The following PUDP variants were observed in gnomAD, a reference collection of about 807,000 sequenced individuals.
PUDP encodes the protein pseudouridine 5'-phosphatase.
Under a neutral mutation model 9.4 loss-of-function variants are expected in PUDP, and 8 were observed. The ratio of observed to expected loss-of-function variants is 0.85; its 90% CI spans 0.50 to 1.53. The LOEUF is 1.53. Among genes scored for constraint, PUDP ranks in the 40% most tolerant of loss-of-function variants. The pLI is 0.00. For synonymous variants in PUDP, 99 were observed against 80.7 expected, an observed-to-expected ratio of 1.23 and a Z score of -1.22; for missense variants, 188 against 189.7, an observed-to-expected ratio of 0.99 and a Z score of 0.05.
At chrX:6,868,651 T>A (rs1927126487) in intron 3 of PUDP, among the ~76,000 whole-genome samples, 1 of 112,585 alleles carries the variant, frequency 8.9e-6, no homozygotes, top group Non-Finnish European at 1.9e-5. Flanking sequence ...TCTGTTCCTA[T>A]AAACTTGCTG....
At chrX:6,745,727 T>C (rs1261210547) in intron 3 of PUDP, among the ~76,000 whole-genome samples, 2 of 111,810 alleles carry the variant, frequency 1.8e-5, no homozygotes, top group African/African-American at 6.5e-5. Context: ...CACTGCAGCC[T>C]GGAATTCCTG....
chrX:7,028,451 G>A lies in PUDP; in HGVS notation c.204+48769C>T, dbSNP rs1929748483. ...CGTGATCACTAAAGCTGGCATGAGA[G>A]GCCCCGACTCATCCAGGGAGTAAGA... On this transcript the variant is annotated intron_variant and NMD_transcript_variant, in intron 1 of 3. Transcript: ENST00000655425. Among the ~76,000 whole-genome samples, 3 of 111,427 alleles carry A rather than the reference G, an allele frequency of 2.7e-5. No individual in the cohort carries two copies. In the South Asian group the frequency reaches 1.1e-3, roughly 42 times the overall value.
intron 3 of PUDP, among the ~76,000 whole-genome samples, chrX:6,887,658 C>A (rs1463058161): frequency 9.0e-6 from 1 of 111,727 alleles, no homozygotes; most frequent in East Asian, 2.8e-4. Context: ...GGGACAGATT[C>A]ATTACAAAGG....
At chrX:7,006,116 T>C (rs1929398784) in intron 1 of PUDP, among the ~76,000 whole-genome samples, 1 of 112,381 alleles carries the variant, frequency 8.9e-6, no homozygotes, top group African/African-American at 3.2e-5. Context: ...TTTTTGGCTA[T>C]TGTAAATAGT....
chrX:7,144,207 T>C (rs1932825113), intron 1 of PUDP, among the ~76,000 whole-genome samples: 1 of 112,072 alleles, frequency 8.9e-6, no homozygotes. Flanking sequence ...AATGACTTGA[T>C]AACATCAAGT....
chrX:6,794,073 A>T (rs1272717316), intron 3 of PUDP, among the ~76,000 whole-genome samples: 1 of 111,909 alleles, frequency 8.9e-6, no homozygotes, highest in Admixed American at 9.5e-5. Context: ...CTGTTAGAGG[A>T]AATGTTTCTT....
chrX:6,737,170 C>T (rs757854932), intron 3 of PUDP, among the ~76,000 whole-genome samples: 31 of 110,924 alleles, frequency 2.8e-4, no homozygotes, highest in Admixed American at 4.8e-4. Flanking sequence ...AAAAGCTGCA[C>T]GAGATAAGGA....
chrX:6,751,644 C>T (rs1413179240), intron 3 of PUDP, among the ~76,000 whole-genome samples: 1 of 111,368 alleles, frequency 9.0e-6, no homozygotes, highest in Non-Finnish European at 1.9e-5. Context: ...AAAAGTGCAA[C>T]CTTTCATCTC....
chrX:6,716,951 T>G (rs1469298637), intron 1 of PUDP, among the ~76,000 whole-genome samples: 2 of 111,322 alleles, frequency 1.8e-5, no homozygotes, highest in East Asian at 2.8e-4. Context: ...TAATTTTTTG[T>G]AGAGACAGGG....
At chrX:6,708,279 G>C (rs1299087832) in intron 1 of PUDP, among the ~76,000 whole-genome samples, 3 of 111,436 alleles carry the variant, frequency 2.7e-5, no homozygotes, top group Non-Finnish European at 5.6e-5. Flanking sequence ...GATGCCCCAA[G>C]CAGTGTGAGA....
At chrX:6,958,055 G>A (rs1928654057) in intron 3 of PUDP, among the ~76,000 whole-genome samples, 1 of 112,184 alleles carries the variant, frequency 8.9e-6, no homozygotes, top group African/African-American at 3.2e-5. Context: ...CCTACAGAAA[G>A]GGTACACGCT....
At chrX:7,141,005 T>A (rs1255761329) in intron 1 of PUDP, among the ~76,000 whole-genome samples, 1 of 111,439 alleles carries the variant, frequency 9.0e-6, no homozygotes, top group East Asian at 2.8e-4. Context: ...GGGATAAATG[T>A]TGTGTGTGTT....
At chrX:7,103,280 G>A (rs1033934674) in intron 2 of PUDP, among the ~76,000 whole-genome samples, 5 of 111,848 alleles carry the variant, frequency 4.5e-5, no homozygotes, top group Admixed American at 1.9e-4. Flanking sequence ...GATCTTCAAC[G>A]AGCCAGCCAA....
At chrX:7,046,605 T>C (rs1262159117), downstream of PUDP, among the ~76,000 whole-genome samples, 1 of 112,656 alleles carries the variant, frequency 8.9e-6, no homozygotes, top group Non-Finnish European at 1.9e-5. Context: ...TATTTATCTA[T>C]TTATTCTCAG....
intron 3 of PUDP, among the ~76,000 whole-genome samples, chrX:6,903,387 G>GGAATATAC (rs1927719253): frequency 9.0e-6 from 1 of 111,226 alleles, no homozygotes; most frequent in Non-Finnish European, 1.9e-5. Flanking sequence ...GTCACAAAAG[G>GGAATATAC]TCTATTTATA....
At chrX:6,889,901 G>A (rs1414432455) in intron 3 of PUDP, among the ~76,000 whole-genome samples, 1 of 111,331 alleles carries the variant, frequency 9.0e-6, no homozygotes, top group Admixed American at 9.6e-5. Flanking sequence ...GGTAGAACTG[G>A]GGAGTGTGGG....
At chrX:7,072,320 C>T (rs976229820) in intron 3 of PUDP, among the ~76,000 whole-genome samples, 1 of 111,664 alleles carries the variant, frequency 9.0e-6, no homozygotes, top group Non-Finnish European at 1.9e-5. Flanking sequence ...AGACAGATAC[C>T]GAATATACAC....
At chrX:6,851,194 G>C (rs1287339900) in intron 3 of PUDP, among the ~76,000 whole-genome samples, 1 of 112,003 alleles carries the variant, frequency 8.9e-6, no homozygotes, top group Non-Finnish European at 1.9e-5. Context: ...CTTTGAAGAG[G>C]GAGGAGAATT....
chrX:6,777,718 A>G (rs1925488672), intron 3 of PUDP, among the ~76,000 whole-genome samples: 1 of 112,146 alleles, frequency 8.9e-6, no homozygotes, highest in African/African-American at 3.2e-5. Flanking sequence ...CAGAAAAACA[A>G]GTCAACAAGC....
Sources: gnomAD v4.1 joint callset for allele counts (sites outside exome capture counted in the v4.1 genomes callset) on GRCh38, gnomAD v4.1.1 for gene constraint, MANE v1.5 for transcripts, NCBI Gene and HGNC (gene_info 2026-07-23, HGNC 2026-07-21) for gene names.